CRADD: variants seen among roughly 807,000 people sequenced by gnomAD.
CRADD encodes death domain-containing protein CRADD.
CRADD carries 9 observed loss-of-function variants against 15.5 expected under a neutral mutation model. The ratio of observed to expected loss-of-function variants is 0.58; its 90% CI spans 0.35 to 1.01. CRADD has a LOEUF of 1.01. Among genes scored for constraint, CRADD ranks in the 50% least tolerant of loss-of-function variants. The pLI is 0.02. For missense variants in CRADD, 227 were observed against 250.3 expected (o/e 0.91, Z 0.63); for synonymous variants, 118 against 107.6 (o/e 1.10, Z -0.60).
At chr12:93,859,257 TA>T (rs1958300095) in intron 2 of CRADD, 2 of 441,436 alleles carry the variant, frequency 4.5e-6, no homozygotes, top group Middle Eastern at 3.3e-4. Flanking sequence ...AATTGTTTTT[TA>T]AAAAGCTATA....
chr12:93,878,168 C>T (rs2137071037), intron 2 of CRADD, among the ~76,000 whole-genome samples: 1 of 152,310 alleles, frequency 6.6e-6, no homozygotes, highest in East Asian at 1.9e-4. Flanking sequence ...CCAGATAATT[C>T]TCCCAGATTT....
intron 2 of CRADD, among the ~76,000 whole-genome samples, chr12:93,758,615 A>G (rs142958006): frequency 5.3e-5 from 8 of 152,192 alleles, no homozygotes; most frequent in African/African-American, 1.9e-4. Flanking sequence ...AGCTTTGAAT[A>G]AAACAAAATT....
chr12:93,689,380 T>G (rs544769317), intron 2 of CRADD, among the ~76,000 whole-genome samples: 2 of 152,310 alleles, frequency 1.3e-5, no homozygotes, highest in South Asian at 4.1e-4. Flanking sequence ...GCAGCTGTGT[T>G]TATGCTTGTT....
intron 2 of CRADD, among the ~76,000 whole-genome samples, chr12:93,866,233 C>CT (rs1363463766): frequency 6.6e-6 from 1 of 151,988 alleles, no homozygotes; most frequent in East Asian, 1.9e-4. Flanking sequence ...ACCCTGTTTT[C>CT]TTTTTATCTC....
intron 2 of CRADD, among the ~76,000 whole-genome samples, chr12:93,740,538 T>C (rs1956649622): frequency 6.6e-6 from 1 of 152,204 alleles, no homozygotes; most frequent in Non-Finnish European, 1.5e-5. Flanking sequence ...TTAGTGATTT[T>C]TGTCATCATT....
chr12:93,801,369 A>G (rs1957474875), intron 2 of CRADD, among the ~76,000 whole-genome samples: 1 of 152,102 alleles, frequency 6.6e-6, no homozygotes, highest in Non-Finnish European at 1.5e-5. Context: ...GATTGGCCTT[A>G]GATGTAGTTC....
chr12:93,693,776 C>T lies in CRADD; in HGVS notation c.298+14704C>T, dbSNP rs1366317780. ...ACAGACATTTACAGAACATTCCATC[C>T]AATGGTATCAAGAATACATATTTTG... On this transcript the variant is annotated intron_variant, in intron 2 of 2. Transcript: ENST00000332896. Among the ~76,000 whole-genome samples the T allele has an allele frequency of 2.6e-5, 4 of 151,904 alleles. No individual in the cohort carries two copies. In the East Asian group the frequency reaches 7.7e-4, roughly 29 times the overall value.
intron 2 of CRADD, among the ~76,000 whole-genome samples, chr12:93,814,829 A>G (rs1200084054): frequency 2.0e-5 from 3 of 152,242 alleles, no homozygotes; most frequent in Non-Finnish European, 4.4e-5. Context: ...TAAATTGTGA[A>G]ACCTATGTGA....
chr12:93,819,596 G>C (rs1000117591), intron 2 of CRADD, among the ~76,000 whole-genome samples: 2 of 152,224 alleles, frequency 1.3e-5, no homozygotes, highest in African/African-American at 4.8e-5. Flanking sequence ...TCTAAAAAAA[G>C]AAAGTGAATA....
intron 2 of CRADD, among the ~76,000 whole-genome samples, chr12:93,886,514 A>T (rs1175952706): frequency 6.6e-6 from 1 of 151,954 alleles, no homozygotes; most frequent in Non-Finnish European, 1.5e-5. Flanking sequence ...CTCCCCACCC[A>T]TAGGCATTTC....
At chr12:93,735,528 G>A (rs568589638) in intron 2 of CRADD, 1 of 152,300 alleles carries the variant, frequency 6.6e-6, no homozygotes, top group Admixed American at 6.5e-5. Context: ...CGTAGCTGTG[G>A]AATAAATGTT....
chr12:93,690,243 G>A (rs902148618), intron 2 of CRADD, among the ~76,000 whole-genome samples: 1 of 152,242 alleles, frequency 6.6e-6, no homozygotes, highest in Non-Finnish European at 1.5e-5. Flanking sequence ...AGTGGGGAAA[G>A]GAAGTTCCAA....
chr12:93,814,371 G>T (rs1409455567), intron 2 of CRADD, among the ~76,000 whole-genome samples: 2 of 152,164 alleles, frequency 1.3e-5, no homozygotes, highest in East Asian at 3.8e-4. Flanking sequence ...TGCGAGTTTT[G>T]AATGAAATGA....
intron 2 of CRADD, among the ~76,000 whole-genome samples, chr12:93,680,437 T>A (rs184281338): frequency 1.3e-3 from 202 of 152,362 alleles, no homozygotes; most frequent in African/African-American, 4.7e-3. Context: ...CTGATCAGCA[T>A]GACATAGCCA....
chr12:93,767,719 C>T (rs1225253524), intron 2 of CRADD, among the ~76,000 whole-genome samples: 2 of 152,192 alleles, frequency 1.3e-5, no homozygotes, highest in South Asian at 2.1e-4. Flanking sequence ...ACATTTCACA[C>T]CCTCTTAGAG....
exon 3 of CRADD, chr12:93,894,352 C>G: frequency 3.6e-6 from 2 of 550,076 alleles, no homozygotes; most frequent in Non-Finnish European, 6.5e-6. Context: ...TCAGATGGCC[C>G]CTAACAAAGA....
In CRADD at chr12:93,792,279, A is replaced by G. The variant is rs532566492; in HGVS notation, c.299-57691A>G. 2.6e-5 allele frequency among the ~76,000 whole-genome samples: 4 copies of G among 152,282 alleles called. No homozygotes were observed. The South Asian group carries it at 8.3e-4, about 32-fold the overall frequency. ...TAGAAAGCAAGGAGTTAGAAGGTAG[A>G]AGAGGCTTACAGAAAGGAGGAAAGA... On this transcript the variant is annotated intron_variant, in intron 2 of 2. Transcript: ENST00000332896.
chr12:93,843,858 T>C (rs927922568), intron 2 of CRADD, among the ~76,000 whole-genome samples: 1 of 151,958 alleles, frequency 6.6e-6, no homozygotes, highest in African/African-American at 2.4e-5. Context: ...GTAGCTGGAA[T>C]TACAGGCGTA....
Position 93,850,448 on chromosome 12 carries a change from C to G in CRADD, c.*177C>G. On this transcript the variant is annotated 3_prime_UTR_variant, in exon 3 of 3. Coordinates refer to ENST00000332896, the MANE Select transcript of CRADD (RefSeq NM_003805.5). The surrounding 1 kb of genome is among the most constrained non-coding windows in gnomAD (Gnocchi z 4.0). ...TTACTTGAAAGGCCAGATTACTCAG[C>G]AGATCTCCCATGTTGGCTCAACAAT... 7.4e-7 allele frequency: 1 copy of G among 1,348,946 alleles called. No individual in the cohort carries two copies. The highest frequency in any genetic ancestry group is 9.5e-7 in the Non-Finnish European group (1 of 1,057,800). The allele number at this position is 1,348,946 out of a possible 1,614,324, so 83.6% of individuals were successfully genotyped here. A position where few individuals can be genotyped will look rare whatever the true frequency, so the allele number is the denominator to read the frequency against.
Sources: allele counts gnomAD v4.1 joint callset (sites outside exome capture counted in the v4.1 genomes callset), GRCh38; gene constraint gnomAD v4.1.1; non-coding constraint Gnocchi (gnomAD v3.1); transcripts MANE v1.5; gene names NCBI Gene and HGNC (gene_info 2026-07-23, HGNC 2026-07-21).